Variants in OPRPN observed in about 807,000 individuals in gnomAD.
OPRPN encodes the protein opiorphin prepropeptide, also known as basic proline-rich lacrimal protein.
Under a neutral mutation model 2.2 loss-of-function variants are expected in OPRPN, and 1 was observed. That is an observed-to-expected ratio of 0.45 (90% confidence interval 0.16 to 2.15). OPRPN has a LOEUF of 2.15. Ranked by LOEUF, OPRPN falls within the 30% of genes most tolerant of loss-of-function variation. The pLI, the probability that OPRPN is intolerant of heterozygous loss-of-function variation, is 0.28. For synonymous variants in OPRPN, 126 were observed against 111.5 expected (o/e 1.13, Z -0.82); for missense variants, 306 against 297.3 (o/e 1.03, Z -0.21).
intron 2 of OPRPN, 122 bp from the exon 3 acceptor site, chr4:70,409,258 T>C (rs922418905): frequency 9.7e-6 from 7 of 723,964 alleles, no homozygotes; most frequent in Non-Finnish European, 1.5e-5. Flanking sequence ...ACATGACTTA[T>C]GGCTTAGTAT....
At chr4:70,402,381 C>T (rs1403674698) in intron 2 of OPRPN, among the ~76,000 whole-genome samples, 1 of 152,066 alleles carries the variant, frequency 6.6e-6, no homozygotes, top group African/African-American at 2.4e-5. Context: ...TATAAATGCT[C>T]AAATGTTGTC....
chr4:70,398,998 A>G (rs1268611828), intron 1 of OPRPN, among the ~76,000 whole-genome samples: 1 of 149,086 alleles, frequency 6.7e-6, no homozygotes, highest in Admixed American at 6.8e-5. Flanking sequence ...TTCCAAAAAT[A>G]CTTTAATTTT....
At chr4:70,404,176 T>C (rs1474110510) in intron 2 of OPRPN, among the ~76,000 whole-genome samples, 2 of 152,126 alleles carry the variant, frequency 1.3e-5, no homozygotes, top group East Asian at 1.9e-4. Flanking sequence ...GGCGTAAGGG[T>C]CAGCTTTCAG....
Position 70,409,589 on chromosome 4 carries a change from C to G in OPRPN, c.261C>G (p.Leu87=). The G allele has an allele frequency of 6.2e-7, 1 of 1,613,842 alleles. No homozygotes were observed. The highest frequency in any genetic ancestry group is 8.5e-7 in the Non-Finnish European group (1 of 1,179,738). The change falls in exon 3 of 3, where the codon CTC becomes CTG. Residue 87 remains leucine (L), a synonymous_variant. Transcript: ENST00000399575. Reference sequence around the variant, plus strand: ...GCCAAGCAGTCATTCTATCTCAACTCTTTCCATTGGAATCTATTAGACAAC... The same window carrying G: ...GCCAAGCAGTCATTCTATCTCAACTGTTTCCATTGGAATCTATTAGACAAC... ...RFSQAVILSQ[L]FPLESIRQPR... is the part of the protein sequence containing the mutation.
At chr4:70,408,332 T>C (rs948994849) in intron 2 of OPRPN, among the ~76,000 whole-genome samples, 2 of 152,222 alleles carry the variant, frequency 1.3e-5, no homozygotes, top group African/African-American at 4.8e-5. Context: ...TTGACCTTGT[T>C]CATTTGTTTA....
intron 2 of OPRPN, among the ~76,000 whole-genome samples, chr4:70,407,412 CAT>C (rs375585203): frequency 5.3e-4 from 81 of 152,308 alleles, no homozygotes; most frequent in South Asian, 5.2e-3. Context: ...AGGGAGAAAA[CAT>C]AGATATAAAA....
At chr4:70,405,037 C>A (rs976048379) in intron 2 of OPRPN, among the ~76,000 whole-genome samples, 1 of 152,088 alleles carries the variant, frequency 6.6e-6, no homozygotes, top group African/African-American at 2.4e-5. Context: ...AAGTATATTA[C>A]AAAAGTATGC....
intron 2 of OPRPN, among the ~76,000 whole-genome samples, chr4:70,404,756 C>G (rs1443205736): frequency 2.0e-5 from 3 of 152,140 alleles, no homozygotes; most frequent in African/African-American, 4.8e-5. Context: ...TTACCCCTAC[C>G]TACAAGACCC....
At position 70,409,938 on chromosome 4, in the gene OPRPN, A is replaced by G. The variant is rs1382015967; in HGVS notation, c.610A>G (p.Thr204Ala). The G allele has an allele frequency of 1.2e-6, 2 of 1,613,942 alleles. No individual in the cohort carries two copies. The highest frequency in any genetic ancestry group is 1.7e-6 in the Non-Finnish European group (2 of 1,179,936). ...AACCCCCGCAGCATCTACTGAAAATACTACTCAAATTCTCGCCAACCGTCC... is the reference window on the plus strand; with the variant it reads ...AACCCCCGCAGCATCTACTGAAAATGCTACTCAAATTCTCGCCAACCGTCC... ...AATPAASTEN[T>A]TQILANRPHT... The change falls in exon 3 of 3, where the codon ACT becomes GCT. Residue 204 changes from threonine to alanine, a missense_variant. Thr to Ala is a moderately conservative substitution (Grantham distance 58, BLOSUM62 0). Transcript: ENST00000399575.
rs369099929 is a variant in OPRPN at position 70,409,569 on chromosome 4, G to A, written c.241G>A (p.Ala81Thr). 2 of 1,613,748 alleles carry A rather than the reference G, an allele frequency of 1.2e-6. No homozygotes were observed. Among genetic ancestry groups the A allele is most frequent in the African/African-American group, 2.7e-5 (2 of 74,844 alleles). ...ATCTTCTTTCTCTCGATTTAGCCAAGCAGTCATTCTATCTCAACTCTTTCC... is the reference window on the plus strand; with the variant it reads ...ATCTTCTTTCTCTCGATTTAGCCAAACAGTCATTCTATCTCAACTCTTTCC... ...PPSSFSRFSQ[A>T]VILSQLFPLE... The change falls in exon 3 of 3, where the codon GCA (alanine) becomes ACA (threonine). Residue 81 changes from alanine (A) to threonine (T), a missense_variant. By Grantham distance (58) the Ala-to-Thr change is moderately conservative (BLOSUM62 0). Coordinates refer to ENST00000399575, the MANE Select transcript of OPRPN (RefSeq NM_021225.5).
chr4:70,402,516 A>G (rs913782568), intron 2 of OPRPN, among the ~76,000 whole-genome samples: 63 of 152,196 alleles, frequency 4.1e-4, no homozygotes, highest in African/African-American at 1.4e-3. Flanking sequence ...CTTATTGAGC[A>G]CTTATTGTTT....
rs1166551689 is a variant in OPRPN at position 70,399,306 on chromosome 4, G to C, written c.21G>C (p.Leu7Phe). MKLTFF[L>F]GLLALISCFT... Reference sequence around the variant, plus strand: ...AAAGAATGAAATTAACTTTCTTCTTGGGCCTGTTGGCTCTTATTTCATGTT... The same window carrying C: ...AAAGAATGAAATTAACTTTCTTCTTCGGCCTGTTGGCTCTTATTTCATGTT... The change falls in exon 2 of 3, where the codon TTG becomes TTC. Residue 7 changes from leucine (L) to phenylalanine (F), a missense_variant. By Grantham distance (22) the Leu-to-Phe change is conservative. Coordinates refer to ENST00000399575, the MANE Select transcript of OPRPN (RefSeq NM_021225.5). 4 of 1,602,882 alleles carry C rather than the reference G, an allele frequency of 2.5e-6. No homozygotes were observed. In the South Asian group the frequency reaches 4.4e-5, roughly 18 times the overall value.
chr4:70,409,184 G>C (rs1480286630), intron 2 of OPRPN, among the ~76,000 whole-genome samples, 196 bp from the exon 3 acceptor site: 1 of 151,862 alleles, frequency 6.6e-6, no homozygotes, highest in Admixed American at 6.6e-5. Flanking sequence ...GATTGCCCAG[G>C]CATCCAGAAT....
intron 2 of OPRPN, among the ~76,000 whole-genome samples, chr4:70,405,680 C>T (rs1052941344): frequency 1.3e-5 from 2 of 152,054 alleles, no homozygotes; most frequent in African/African-American, 4.8e-5. Context: ...AATTTTTTTC[C>T]TCTTGACACC....
At chr4:70,405,533 A>T (rs2109771115) in intron 2 of OPRPN, among the ~76,000 whole-genome samples, 2 of 152,016 alleles carry the variant, frequency 1.3e-5, no homozygotes, top group East Asian at 3.9e-4. Context: ...GTCTTCAGCC[A>T]TTTCTTCTTC....
Position 70,409,558 on chromosome 4 carries a change from G to T in OPRPN, c.230G>T (p.Arg77Leu). ...PGRVPPSSFSRFSQAVILSQL... is the reference protein window; with the variant it reads ...PGRVPPSSFSLFSQAVILSQL... ...CGAGTTCCACCATCTTCTTTCTCTCGATTTAGCCAAGCAGTCATTCTATCT... is the reference window on the plus strand; with the variant it reads ...CGAGTTCCACCATCTTCTTTCTCTCTATTTAGCCAAGCAGTCATTCTATCT... The change falls in exon 3 of 3, where the codon CGA becomes CTA. Residue 77 changes from arginine (R) to leucine (L), a missense_variant. Coordinates refer to ENST00000399575, the MANE Select transcript of OPRPN (RefSeq NM_021225.5). The T allele has an allele frequency of 6.2e-7, 1 of 1,613,674 alleles. No homozygotes were observed. Among genetic ancestry groups the T allele is most frequent in the Non-Finnish European group, 8.5e-7 (1 of 1,179,876 alleles).
chr4:70,403,888 G>A (rs774063551), intron 2 of OPRPN, among the ~76,000 whole-genome samples: 23 of 151,832 alleles, frequency 1.5e-4, no homozygotes, highest in Non-Finnish European at 2.4e-4. Context: ...GGAGATTCCT[G>A]CAATTATCCT....
In OPRPN at chr4:70,409,332, G is replaced by T. The variant is rs372983848; in HGVS notation, c.52-48G>T. On this transcript the variant is annotated intron_variant, in intron 2 of 2. Coordinates refer to ENST00000399575, the MANE Select transcript of OPRPN (RefSeq NM_021225.5). ...ATATCCTAATGTTTGAACTTTAAATGATCAAATTTAGAAATTTTGTTTTTT... is the reference window on the plus strand; with the variant it reads ...ATATCCTAATGTTTGAACTTTAAATTATCAAATTTAGAAATTTTGTTTTTT... 4.8e-5 allele frequency: 70 copies of T among 1,448,250 alleles called. No individual in the cohort carries two copies. In the East Asian group the frequency reaches 1.2e-3, roughly 25 times the overall value. The allele number at this position is 1,448,250 out of a possible 1,614,324, so 89.7% of individuals were successfully genotyped here. A position where few individuals can be genotyped will look rare whatever the true frequency, so the allele number is the denominator to read the frequency against.
At chr4:70,402,095 C>T (rs1560532630) in intron 2 of OPRPN, among the ~76,000 whole-genome samples, 1 of 152,098 alleles carries the variant, frequency 6.6e-6, no homozygotes, top group Non-Finnish European at 1.5e-5. Context: ...ACTAAACCAA[C>T]GATAAGCAGA....
Sources: gnomAD v4.1 joint callset for allele counts (sites outside exome capture counted in the v4.1 genomes callset) on GRCh38, gnomAD v4.1.1 for gene constraint, MANE v1.5 for transcripts, NCBI Gene and HGNC (gene_info 2026-07-23, HGNC 2026-07-21) for gene names.